CNKSR2: variants seen among roughly 807,000 people sequenced by gnomAD.
CNKSR2 encodes the protein CNK homolog protein 2.
CNKSR2 carries 14 observed loss-of-function variants against 84.4 expected under a neutral mutation model. The observed-to-expected ratio is 0.17, with a 90% CI of 0.11 to 0.26. CNKSR2 has a LOEUF of 0.26. Among genes scored for constraint, CNKSR2 ranks in the 10% least tolerant of loss-of-function variants. CNKSR2 has a pLI of 1.00. For synonymous variants in CNKSR2, 275 were observed against 277.9 expected, an observed-to-expected ratio of 0.99 and a Z score of 0.10; for missense variants, 485 against 771.2, an observed-to-expected ratio of 0.63 and a Z score of 4.40.
At chrX:21,408,676 T>C (rs1385670272) in intron 1 of CNKSR2, among the ~76,000 whole-genome samples, 5 of 111,598 alleles carry the variant, frequency 4.5e-5, no homozygotes, top group Non-Finnish European at 7.6e-5. Flanking sequence ...GTTTACCCTT[T>C]TATGTCTTGT....
chrX:21,507,545 G>A (rs2091625655), intron 8 of CNKSR2, among the ~76,000 whole-genome samples: 1 of 110,967 alleles, frequency 9.0e-6, no homozygotes, highest in Non-Finnish European at 1.9e-5. Flanking sequence ...GATTTAGGAT[G>A]ATACTTTTAG....
Position 21,501,602 on chromosome X carries a change from A to C in CNKSR2, c.810+14A>C. ...CATCAGACTGTGGTATGTATAATTA[A>C]CTTAAGAGTCAGTGGGAGGAACTAA... On this transcript the variant is annotated intron_variant, in intron 8 of 21. Transcript: ENST00000379510. 9.8e-7 allele frequency: 1 copy of C among 1,016,775 alleles called. No individual in the cohort carries two copies. Among genetic ancestry groups the C allele is most frequent in the Non-Finnish European group, 1.3e-6 (1 of 744,915 alleles). 83.8% of individuals were successfully genotyped at this position (1,016,775 alleles called of 1,213,427 possible).
rs1490706307 is a variant in CNKSR2 at position 21,597,697 on chromosome X, C to T, written c.1976+2302C>T. On this transcript the variant is annotated intron_variant, in intron 17 of 21. Coordinates refer to ENST00000379510, the MANE Select transcript of CNKSR2 (RefSeq NM_014927.5). ...ACCCACCTACAGCTTTGTCAAGTCA[C>T]CTGACTGTTACATAACAGCAAGATG... Among the ~76,000 whole-genome samples, 28 of 110,045 alleles carry T rather than the reference C, an allele frequency of 2.5e-4. No individual in the cohort carries two copies. In the Admixed American group the frequency reaches 2.7e-3, roughly 11 times the overall value.
At chrX:21,460,900 C>T (rs1302965931) in intron 4 of CNKSR2, among the ~76,000 whole-genome samples, 2 of 112,103 alleles carry the variant, frequency 1.8e-5, no homozygotes, top group Non-Finnish European at 1.9e-5. Flanking sequence ...CTGAATAGTA[C>T]TCCATTGTAC....
At chrX:21,382,215 A>G (rs1001820561) in intron 1 of CNKSR2, among the ~76,000 whole-genome samples, 10 of 112,038 alleles carry the variant, frequency 8.9e-5, no homozygotes, top group Admixed American at 2.8e-4. Context: ...ATACAGTAGA[A>G]GTAGGGTTGC....
At chrX:21,405,450 T>A (rs1211627940) in intron 1 of CNKSR2, among the ~76,000 whole-genome samples, 3 of 111,764 alleles carry the variant, frequency 2.7e-5, no homozygotes, top group Non-Finnish European at 5.6e-5. Context: ...ATTTTCTAAT[T>A]GGCTTTGCTG....
At chrX:21,519,127 C>T (rs182696599) in intron 9 of CNKSR2, among the ~76,000 whole-genome samples, 1 of 111,023 alleles carries the variant, frequency 9.0e-6, no homozygotes, top group East Asian at 2.9e-4. Context: ...TCTAACATAC[C>T]GCACCACTAC....
intron 7 of CNKSR2, among the ~76,000 whole-genome samples, chrX:21,499,634 TC>T (rs1424895767): frequency 1.8e-5 from 2 of 111,015 alleles, no homozygotes; most frequent in Non-Finnish European, 3.8e-5. Context: ...ATCTTTTGAT[TC>T]TTTTTTTTCT....
intron 5 of CNKSR2, among the ~76,000 whole-genome samples, chrX:21,489,439 A>G (rs926787190): frequency 2.7e-5 from 3 of 110,958 alleles, no homozygotes; most frequent in Non-Finnish European, 5.7e-5. Context: ...AGTTCCTCCT[A>G]TAGTTAAAGC....
At chrX:21,607,805 A>AAAT (rs1404792944) in intron 19 of CNKSR2, among the ~76,000 whole-genome samples, 51 of 109,615 alleles carry the variant, frequency 4.7e-4, no homozygotes, top group Admixed American at 6.8e-4. Context: ...CTGTGTCTCA[A>AAAT]AATAATAATA....
chrX:21,521,935 C>T (rs748509663), intron 9 of CNKSR2, among the ~76,000 whole-genome samples: 4 of 110,896 alleles, frequency 3.6e-5, no homozygotes, highest in African/African-American at 1.3e-4. Context: ...ATTTCCCTTG[C>T]TTCAGTTCTT....
chrX:21,520,479 G>GAA (rs11448046), intron 9 of CNKSR2, among the ~76,000 whole-genome samples: 67 of 105,319 alleles, frequency 6.4e-4, no homozygotes, highest in African/African-American at 2.1e-3. Flanking sequence ...CTAATTCAAT[G>GAA]AAAAAAAAAC....
intron 10 of CNKSR2, among the ~76,000 whole-genome samples, chrX:21,527,295 A>G (rs2147115205): frequency 9.0e-6 from 1 of 110,806 alleles, no homozygotes; most frequent in South Asian, 3.7e-4. Flanking sequence ...TAAGTAAACA[A>G]TAAGTGAGGC....
intron 1 of CNKSR2, among the ~76,000 whole-genome samples, chrX:21,390,059 G>C (rs1185817195): frequency 1.8e-5 from 2 of 111,938 alleles, no homozygotes; most frequent in African/African-American, 6.5e-5. Flanking sequence ...TAAACTCTCA[G>C]ACAGAAGAGT....
chrX:21,590,833 A>C (rs1374265942), intron 14 of CNKSR2, 189 bp from the exon 15 acceptor site: 2 of 459,254 alleles, frequency 4.4e-6, no homozygotes, highest in Non-Finnish European at 7.3e-6. Context: ...GAGTGGTGTT[A>C]CATATTTCTG....
At chrX:21,635,533 T>C (rs1449671001) in intron 20 of CNKSR2, among the ~76,000 whole-genome samples, 1 of 106,228 alleles carries the variant, frequency 9.4e-6, no homozygotes, top group East Asian at 2.8e-4. Context: ...TATATGTATA[T>C]ATAAATATAT....
intron 5 of CNKSR2, among the ~76,000 whole-genome samples, chrX:21,488,679 G>A (rs1020143256): frequency 9.0e-6 from 1 of 111,669 alleles, no homozygotes; most frequent in Admixed American, 9.5e-5. Context: ...ACCAAGGACA[G>A]AACATAGTAA....
intron 20 of CNKSR2, among the ~76,000 whole-genome samples, chrX:21,627,578 C>T (rs1163453355): frequency 8.9e-6 from 1 of 112,001 alleles, no homozygotes; most frequent in Non-Finnish European, 1.9e-5. Flanking sequence ...GGAGGCCTCA[C>T]AGTCATGGCA....
chrX:21,474,286 G>A (rs1017831188), intron 5 of CNKSR2, among the ~76,000 whole-genome samples: 1 of 111,378 alleles, frequency 9.0e-6, no homozygotes, highest in Non-Finnish European at 1.9e-5. Context: ...GGAAAACAGA[G>A]CCTACAACAA....
Sources: allele counts gnomAD v4.1 joint callset (sites outside exome capture counted in the v4.1 genomes callset), GRCh38; gene constraint gnomAD v4.1.1; transcripts MANE v1.5; gene names NCBI Gene and HGNC (gene_info 2026-07-23, HGNC 2026-07-21).